Variants in ETNK1 observed in about 807,000 individuals in gnomAD.
The protein encoded by ETNK1 is putative protein product of Nbla10396.
Under a neutral mutation model 45.1 loss-of-function variants are expected in ETNK1, and 8 were observed. The observed-to-expected ratio is 0.18, with a 90% confidence interval of 0.10 to 0.32. ETNK1 has a LOEUF of 0.32. ETNK1 is among the 10% of genes least tolerant of loss of function. The pLI, the probability that ETNK1 is intolerant of heterozygous loss-of-function variation, is 1.00. For synonymous variants in ETNK1, 152 were observed against 151.9 expected, an observed-to-expected ratio of 1.00 and a Z score of -0.01; for missense variants, 302 against 430.6, an observed-to-expected ratio of 0.70 and a Z score of 2.64.
intron 2 of ETNK1, among the ~76,000 whole-genome samples, chr12:22,654,713 CT>C (rs1565442690): frequency 6.6e-6 from 1 of 152,064 alleles, no homozygotes; most frequent in East Asian, 1.9e-4. Flanking sequence ...ATAAAGCAAT[CT>C]TTATTATTAT....
chr12:22,635,249 A>G (rs913576710), intron 1 of ETNK1, among the ~76,000 whole-genome samples: 21 of 152,180 alleles, frequency 1.4e-4, no homozygotes, highest in Non-Finnish European at 2.1e-4. Context: ...TATGTGTGTC[A>G]TATGTCACCT....
chr12:22,671,119 C>T, intron 4 of ETNK1, 153 bp from the exon 5 acceptor site: 2 of 614,496 alleles, frequency 3.3e-6, no homozygotes, highest in Non-Finnish European at 5.7e-6. Context: ...CCATAAAATT[C>T]ACAGCCCCTT....
chr12:22,656,363 A>T, intron 2 of ETNK1: 1 of 976,158 alleles, frequency 1.0e-6, no homozygotes, highest in Non-Finnish European at 1.2e-6. Flanking sequence ...TAGTTGTCTG[A>T]CTTTATCCGT....
At position 22,686,990 on chromosome 12, in the gene ETNK1, G is replaced by C. The variant is rs571255044; in HGVS notation, c.*2036G>C. 105 of 150,050 alleles carry C rather than the reference G, an allele frequency of 7.0e-4. No individual in the cohort carries two copies. The highest frequency in any genetic ancestry group is 2.0e-3 in the African/African-American group (83 of 40,900). 9.3% of individuals were successfully genotyped at this position (150,050 alleles called of 1,614,324 possible). On this transcript the variant is annotated 3_prime_UTR_variant, in exon 8 of 8. Coordinates refer to ENST00000266517, the MANE Select transcript of ETNK1 (RefSeq NM_018638.5). ...CTTACTTCAAACTATTTTGAATAGA[G>C]GTTCACTGAGCCATTGCTGATAGAC...
chr12:22,650,714 A>G (rs1350196002), intron 2 of ETNK1, among the ~76,000 whole-genome samples: 1 of 151,952 alleles, frequency 6.6e-6, no homozygotes, highest in African/African-American at 2.4e-5. Context: ...TATATAAAAA[A>G]TAAACATTTA....
At chr12:22,639,740 A>G (rs1013329690) in intron 1 of ETNK1, among the ~76,000 whole-genome samples, 1 of 152,104 alleles carries the variant, frequency 6.6e-6, no homozygotes, top group African/African-American at 2.4e-5. Flanking sequence ...AGTGTATTTC[A>G]TATTGCATCA....
chr12:22,641,997 T>C (rs2137532381), intron 1 of ETNK1, among the ~76,000 whole-genome samples: 1 of 152,258 alleles, frequency 6.6e-6, no homozygotes, highest in East Asian at 1.9e-4. Context: ...ATGTATAATA[T>C]AGCATGGTCA....
chr12:22,636,979 G>A (rs867191573), intron 1 of ETNK1, among the ~76,000 whole-genome samples: 8 of 152,238 alleles, frequency 5.3e-5, no homozygotes, highest in African/African-American at 1.7e-4. Flanking sequence ...ATCCTGCACC[G>A]AATCCCCCTC....
chr12:22,630,622 A>AT (rs1394742208), intron 1 of ETNK1, among the ~76,000 whole-genome samples: 5 of 151,504 alleles, frequency 3.3e-5, no homozygotes, highest in South Asian at 4.2e-4. Flanking sequence ...ATTTTATTTT[A>AT]TTTTTTTTGA....
rs185583453 is a variant in ETNK1 at position 22,680,229 on chromosome 12, T to C, written c.946-4254T>C. Among the ~76,000 whole-genome samples the C allele has an allele frequency of 2.1e-3, 322 of 152,314 alleles. 5 individuals are homozygous for C. The highest frequency in any genetic ancestry group is 7.4e-3 in the African/African-American group (307 of 41,560). On this transcript the variant is annotated intron_variant, in intron 6 of 7. Transcript: ENST00000266517. Reference sequence around the variant, plus strand: ...ACCTTCTCCTTTTATTTTTTACCTTTGATTGAGGACTGAATCTCTTGCCAA... The same window carrying C: ...ACCTTCTCCTTTTATTTTTTACCTTCGATTGAGGACTGAATCTCTTGCCAA...
At chr12:22,660,045 A>AC (rs1442611523) in intron 3 of ETNK1, among the ~76,000 whole-genome samples, 20 of 151,762 alleles carry the variant, frequency 1.3e-4, no homozygotes, top group African/African-American at 4.4e-4. Flanking sequence ...AAAAAAAAAA[A>AC]AAAAAAAAAA....
chr12:22,662,949 T>C (rs903065759), intron 4 of ETNK1, among the ~76,000 whole-genome samples: 3 of 152,204 alleles, frequency 2.0e-5, no homozygotes, highest in Non-Finnish European at 4.4e-5. Flanking sequence ...AAGCACATAT[T>C]GCCAAAAATA....
chr12:22,636,296 G>A (rs140691617), intron 1 of ETNK1, among the ~76,000 whole-genome samples: 2 of 152,100 alleles, frequency 1.3e-5, no homozygotes, highest in East Asian at 3.9e-4. Flanking sequence ...AAAAAATGAG[G>A]TCTTGGAAAA....
intron 4 of ETNK1, among the ~76,000 whole-genome samples, chr12:22,667,392 C>T (rs1954064453): frequency 1.3e-5 from 2 of 152,026 alleles, no homozygotes; most frequent in South Asian, 4.1e-4. Context: ...AGGGATTGCT[C>T]TGTGGATTGC....
chr12:22,663,975 AT>A (rs1314988821), intron 4 of ETNK1, among the ~76,000 whole-genome samples: 1 of 151,986 alleles, frequency 6.6e-6, no homozygotes, highest in Non-Finnish European at 1.5e-5. Flanking sequence ...ATTAAGAAAT[AT>A]GGTTAGAATG....
intron 2 of ETNK1, among the ~76,000 whole-genome samples, chr12:22,657,361 G>A (rs1342945458): frequency 6.6e-6 from 1 of 152,136 alleles, no homozygotes; most frequent in Non-Finnish European, 1.5e-5. Context: ...GTTGCTTGAG[G>A]ATGATAATTT....
At chr12:22,637,248 C>A (rs541297691) in intron 1 of ETNK1, among the ~76,000 whole-genome samples, 17 of 152,322 alleles carry the variant, frequency 1.1e-4, no homozygotes, top group African/African-American at 3.8e-4. Context: ...TTTCCCATCT[C>A]TCAGGGATCA....
Position 22,643,771 on chromosome 12 carries a change from A to C in ETNK1, c.165A>C (p.Thr55=). Residue 55 remains threonine (T), a synonymous_variant, in exon 2 of 8, where the codon ACA becomes ACC. Transcript: ENST00000266517. The stretch of plus-strand genomic sequence containing the variant: ...AAAAAAATTTTTGGCAGCTCTTCAC[A>C]GATGGAATCACAAATAAACTTATTG... ...DPQEVTLQLF[T]DGITNKLIGC... is the part of the protein sequence containing the mutation. 2 of 1,607,330 alleles carry C rather than the reference A, an allele frequency of 1.2e-6. No individual in the cohort carries two copies. Among genetic ancestry groups the C allele is most frequent in the Non-Finnish European group, 1.7e-6 (2 of 1,175,772 alleles).
chr12:22,651,321 A>G lies in ETNK1; in HGVS notation c.416+7299A>G, dbSNP rs562781604. Among the ~76,000 whole-genome samples, 8 of 152,314 alleles carry G rather than the reference A, an allele frequency of 5.3e-5. No homozygotes were observed. The South Asian group carries it at 8.3e-4, about 16-fold the overall frequency. On this transcript the variant is annotated intron_variant, in intron 2 of 7. Transcript: ENST00000266517. The stretch of plus-strand genomic sequence containing the variant: ...TTACTAGACACATGGTGACAAAGAA[A>G]AGGGAAGATGAAGGCTCCGTTGTGA...
Sources: gnomAD v4.1 joint callset for allele counts (sites outside exome capture counted in the v4.1 genomes callset) on GRCh38, gnomAD v4.1.1 for gene constraint, MANE v1.5 for transcripts, NCBI Gene and HGNC (gene_info 2026-07-23, HGNC 2026-07-21) for gene names.